Variants in PNPLA7 observed in about 807,000 individuals in gnomAD.
PNPLA7 encodes the protein patatin-like phospholipase domain-containing protein 7.
A neutral mutation model predicts 161.7 loss-of-function variants in PNPLA7; 153 were observed. That is an observed-to-expected ratio of 0.95 (90% confidence interval 0.83 to 1.08). The LOEUF (loss-of-function observed/expected upper bound fraction) is 1.08. Among genes scored for constraint, PNPLA7 ranks in the 50% least tolerant of loss-of-function variants. PNPLA7 has a pLI of 0.00. For missense variants in PNPLA7, 1,739 were observed against 1,856.6 expected (o/e 0.94, Z 1.16); for synonymous variants, 809 against 782.1 (o/e 1.03, Z -0.57).
At chr9:137,488,732 A>AC (rs1205003728) in intron 20 of PNPLA7, among the ~76,000 whole-genome samples, 1 of 35,918 alleles carries the variant, frequency 2.8e-5, no homozygotes, top group Non-Finnish European at 5.5e-5. Context: ...CCAACTGTGC[A>AC]CCCCCCGACC....
Position 137,480,404 on chromosome 9 carries a change from C to T in PNPLA7, c.2488G>A (p.Gly830Ser), listed in dbSNP as rs1202521769. The T allele has an allele frequency of 6.2e-7, 1 of 1,613,440 alleles. No individual in the cohort carries two copies. Among genetic ancestry groups the T allele is most frequent in the African/African-American group, 1.3e-5 (1 of 74,930 alleles). ...THRIVLYQAD[G>S]TLTPWTQRCV... ...CGCTGGGTCCAGGGTGTGAGCGTGCCATCTGCCTGGTAGAGCACGATCCTG... is the reference window on the plus strand; with the variant it reads ...CGCTGGGTCCAGGGTGTGAGCGTGCTATCTGCCTGGTAGAGCACGATCCTG... The change falls in exon 23 of 35, where the codon GGC becomes AGC. Residue 830 changes from glycine to serine, a missense_variant. Gly to Ser is a moderately conservative substitution (Grantham distance 56). Around this residue, in one of 6 missense-constraint regions of PNPLA7, gnomAD observed 192 missense variants for 249.5 expected, o/e 0.77. Coordinates refer to ENST00000406427, the MANE Select transcript of PNPLA7 (RefSeq NM_001098537.3).
In PNPLA7 at chr9:137,462,044, G is replaced by T; in HGVS notation, c.3646-3C>A. On this transcript the variant is annotated splice_region_variant and splice_polypyrimidine_tract_variant and intron_variant, in intron 31 of 34. Coordinates refer to ENST00000406427, the MANE Select transcript of PNPLA7 (RefSeq NM_001098537.3). The stretch of plus-strand genomic sequence containing the variant: ...CGCCCGTGCTGGTAGCCCACTTCCT[G>T]TGCACACCCCCAGGGCCCCGTCAGG... The T allele has an allele frequency of 6.3e-7, 1 of 1,587,474 alleles. No homozygotes were observed. Among genetic ancestry groups the T allele is most frequent in the Non-Finnish European group, 8.6e-7 (1 of 1,167,500 alleles).
intron 8 of PNPLA7, among the ~76,000 whole-genome samples, chr9:137,528,543 A>G (rs1835414712): frequency 6.6e-6 from 1 of 152,016 alleles, no homozygotes; most frequent in Non-Finnish European, 1.5e-5. Context: ...CGGCCTCCCA[A>G]AGTGCTGGGA....
In PNPLA7 at chr9:137,540,675, G is replaced by A. The variant is rs751793392; in HGVS notation, c.714C>T (p.Val238=). Residue 238 remains valine, a synonymous_variant, in exon 8 of 35, where the codon GTC becomes GTT. Transcript: ENST00000406427. This position sits in a 1 kb window ranked among gnomAD's most constrained non-coding sequence, Gnocchi z 5.1. ...TGTCCAGGATGCTGAGCAGGCTGTG[G>A]ACGCTGTCTCCCGCCAGAACCTCTT... ...VVKEVLAGDS[V]HSLLSILDII... 8 of 1,612,204 alleles carry A rather than the reference G, an allele frequency of 5.0e-6. No individual in the cohort carries two copies. The highest frequency in any genetic ancestry group is 3.3e-5 in the Admixed American group (2 of 59,878).
Position 137,525,717 on chromosome 9 carries a change from C to A in PNPLA7, c.748-2860G>T, listed in dbSNP as rs1012282749. On this transcript the variant is annotated intron_variant, in intron 8 of 34. Transcript: ENST00000406427. ...GCTGAAGCACAGCATCACAGGGAGACGTTTAGGCCTCCGGATGGCTGCGGG... is the reference window on the plus strand; with the variant it reads ...GCTGAAGCACAGCATCACAGGGAGAAGTTTAGGCCTCCGGATGGCTGCGGG... Among the ~76,000 whole-genome samples the A allele has an allele frequency of 1.3e-5, 2 of 148,798 alleles. 1 individual carries two copies. Among genetic ancestry groups the A allele is most frequent in the African/African-American group, 5.1e-5 (2 of 39,048 alleles).
At chr9:137,548,371 G>C (rs1164888615) in intron 1 of PNPLA7, among the ~76,000 whole-genome samples, 1 of 152,178 alleles carries the variant, frequency 6.6e-6, no homozygotes, top group African/African-American at 2.4e-5. Flanking sequence ...GGTTCAGCCT[G>C]AAAGTTTCTA....
intron 18 of PNPLA7, among the ~76,000 whole-genome samples, chr9:137,496,130 AGTTTTTTTTT>A (rs944284945): frequency 4.4e-5 from 6 of 135,672 alleles, no homozygotes; most frequent in Non-Finnish European, 7.8e-5. Flanking sequence ...GACGGAGTTT[AGTTTTTTTTT>A]GTTTTTTTTT....
At chr9:137,484,491 C>A in intron 21 of PNPLA7, 96 bp downstream of exon 21, 1 of 1,359,110 alleles carries the variant, frequency 7.4e-7, no homozygotes, top group East Asian at 2.6e-5. Context: ...TGCCCACCCA[C>A]CGCCGCGTCC....
At chr9:137,545,537 C>T (rs772958012) in intron 4 of PNPLA7, among the ~76,000 whole-genome samples, 1 of 152,296 alleles carries the variant, frequency 6.6e-6, no homozygotes, top group South Asian at 2.1e-4. Context: ...CGGCAAGCGA[C>T]TGAGGGCATG....
At position 137,480,938 on chromosome 9, in the gene PNPLA7, A is replaced by C. The variant is rs560177185; in HGVS notation, c.2411+22T>G. Reference sequence around the variant, plus strand: ...TGCGTTGGGCCGGCTGGGAGGAAGGAGTCGGGGCTGGCGGCACGCACCTGT... The same window carrying C: ...TGCGTTGGGCCGGCTGGGAGGAAGGCGTCGGGGCTGGCGGCACGCACCTGT... On this transcript the variant is annotated intron_variant, in intron 22 of 34. Coordinates refer to ENST00000406427, the MANE Select transcript of PNPLA7 (RefSeq NM_001098537.3). The C allele has an allele frequency of 5.2e-6, 8 of 1,550,860 alleles. No individual in the cohort carries two copies. In the East Asian group the frequency reaches 1.7e-4, roughly 33 times the overall value.
intron 11 of PNPLA7, among the ~76,000 whole-genome samples, chr9:137,519,513 C>T (rs544889203): frequency 2.6e-5 from 4 of 152,298 alleles, no homozygotes; most frequent in South Asian, 2.1e-4. Flanking sequence ...GTAATGAGAC[C>T]GTTGGAGGTT....
rs770657164 is a variant in PNPLA7, at chr9:137,480,486, G to A, written c.2412-6C>T. On this transcript the variant is annotated splice_region_variant and splice_polypyrimidine_tract_variant and intron_variant, in intron 22 of 34. Transcript: ENST00000406427. ...ACAGCCGGTACTCGTGAACACTGCA[G>A]CACGCAGAGGGAGTACCTCACTACT... 6.2e-7 allele frequency: 1 copy of A among 1,602,610 alleles called. No homozygotes were observed. Among genetic ancestry groups the A allele is most frequent in the Admixed American group, 1.7e-5 (1 of 58,766 alleles).
rs1833286407 is a variant in PNPLA7 at position 137,499,910 on chromosome 9, G to A, written c.1757+781C>T. ...CACAGCAGACATCTGGCCTATGAGGGTGCGGAGGACTTCCAGAAAACACAC... is the reference window on the plus strand; with the variant it reads ...CACAGCAGACATCTGGCCTATGAGGATGCGGAGGACTTCCAGAAAACACAC... On this transcript the variant is annotated intron_variant, in intron 16 of 34. Coordinates refer to ENST00000406427, the MANE Select transcript of PNPLA7 (RefSeq NM_001098537.3). This position sits in a 1 kb window ranked among gnomAD's most constrained non-coding sequence, Gnocchi z 5.5. Among the ~76,000 whole-genome samples, 1 of 152,258 alleles carries A rather than the reference G, an allele frequency of 6.6e-6. No homozygotes were observed. Among genetic ancestry groups the A allele is most frequent in the African/African-American group, 2.4e-5 (1 of 41,472 alleles).
intron 11 of PNPLA7, 86 bp downstream of exon 11, chr9:137,519,831 G>C: frequency 6.6e-7 from 1 of 1,521,718 alleles, no homozygotes; most frequent in Non-Finnish European, 8.8e-7. Context: ...GCATGTGCAA[G>C]ATGACCTGGG....
At chr9:137,518,818 C>A (rs1157337564) in intron 11 of PNPLA7, among the ~76,000 whole-genome samples, 6 of 92,276 alleles carry the variant, frequency 6.5e-5, no homozygotes, top group South Asian at 4.2e-4. Context: ...ACTCCATCCC[C>A]CACTCACTCA....
rs1005248612 is a variant in PNPLA7, at chr9:137,479,236, C to G, written c.2583G>C (p.Leu861=). The G allele has an allele frequency of 4.6e-6, 7 of 1,531,658 alleles. No homozygotes were observed. In the African/African-American group the frequency reaches 9.6e-5, roughly 21 times the overall value. 94.9% of individuals were successfully genotyped at this position (1,531,658 alleles called of 1,614,324 possible). A position where few individuals can be genotyped will look rare whatever the true frequency, so the allele number is the denominator to read the frequency against. Residue 861 remains leucine (L), a splice_region_variant and synonymous_variant, in exon 24 of 35, where the codon CTG becomes CTC. Transcript: ENST00000406427. The stretch of plus-strand genomic sequence containing the variant: ...CAGCTGTGCTCTCCAGCATCCGCTC[C>G]AGCTGAAAGGCAGAGCCCACGTGTC... ...LGDQEPTVGE[L]ERMLESTAVR...
chr9:137,547,370 G>A lies in PNPLA7; in HGVS notation c.132C>T (p.Leu44=). Residue 44 remains leucine, a synonymous_variant, in exon 3 of 35, where the codon CTC becomes CTT. Coordinates refer to ENST00000406427, the MANE Select transcript of PNPLA7 (RefSeq NM_001098537.3). This position sits in a 1 kb window ranked among gnomAD's most constrained non-coding sequence, Gnocchi z 4.6. ...GGACACCAACCAAGGCCAGGGCCAG[G>A]AGGGCTCCAACTGCAATCCCCGTCA... ...TMLTGIAVGA[L]LALALVGVLI... is the part of the protein sequence containing the mutation. 6.2e-7 allele frequency: 1 copy of A among 1,613,592 alleles called. No homozygotes were observed. Among genetic ancestry groups the A allele is most frequent in the Non-Finnish European group, 8.5e-7 (1 of 1,180,012 alleles).
At chr9:137,522,674 G>A in intron 9 of PNPLA7, 55 bp downstream of exon 9, 1 of 1,595,532 alleles carries the variant, frequency 6.3e-7, no homozygotes, top group Non-Finnish European at 8.6e-7. Flanking sequence ...CAGTGCCCAG[G>A]CCCCCCCAGG....
chr9:137,494,422 G>A (rs1832927429), intron 19 of PNPLA7, among the ~76,000 whole-genome samples: 1 of 152,094 alleles, frequency 6.6e-6, no homozygotes, highest in South Asian at 2.1e-4. Flanking sequence ...CCCCCACCCA[G>A]CTGGGCTCTA....
Sources: allele counts gnomAD v4.1 joint callset (sites outside exome capture counted in the v4.1 genomes callset), GRCh38; gene constraint gnomAD v4.1.1; regional missense constraint gnomAD v4.1.1; non-coding constraint Gnocchi (gnomAD v3.1); transcripts MANE v1.5; gene names NCBI Gene and HGNC (gene_info 2026-07-23, HGNC 2026-07-21).